The following MTMR2 variants were observed in gnomAD, a reference collection of about 807,000 sequenced individuals.
MTMR2 encodes myotubularin related protein 2.
Under a neutral mutation model 86.9 loss-of-function variants are expected in MTMR2, and 55 were observed. The observed-to-expected ratio is 0.63, with a 90% CI of 0.51 to 0.79. The LOEUF (loss-of-function observed/expected upper bound fraction) is 0.79, where lower values mean the gene tolerates loss of function less well. MTMR2 is among the 30% of genes least tolerant of loss of function. MTMR2 has a pLI of 0.00. For synonymous variants in MTMR2, 241 were observed against 266.8 expected, an observed-to-expected ratio of 0.90 and a Z score of 0.94; for missense variants, 659 against 772.3, an observed-to-expected ratio of 0.85 and a Z score of 1.74.
intron 13 of MTMR2, among the ~76,000 whole-genome samples, chr11:95,837,344 A>AC (rs1863330412): frequency 6.6e-6 from 1 of 152,108 alleles, no homozygotes; most frequent in Admixed American, 6.6e-5. Flanking sequence ...GAACCCAGCA[A>AC]CTGGGCTTCA....
intron 2 of MTMR2, among the ~76,000 whole-genome samples, chr11:95,877,332 CT>C (rs764782930): frequency 0.014 from 1,504 of 105,764 alleles, 9 homozygotes; most frequent in Middle Eastern, 0.036. Flanking sequence ...CAGGGAAGCC[CT>C]TTTTTTTTTT....
intron 11 of MTMR2, among the ~76,000 whole-genome samples, chr11:95,843,665 A>G (rs1863646864): frequency 6.6e-6 from 1 of 152,196 alleles, no homozygotes; most frequent in Non-Finnish European, 1.5e-5. Context: ...AAATTCAGCT[A>G]TCTTCTATTA....
intron 1 of MTMR2, among the ~76,000 whole-genome samples, chr11:95,907,416 G>C (rs1866321933): frequency 2.0e-5 from 3 of 151,984 alleles, no homozygotes; most frequent in Admixed American, 2.0e-4. Context: ...TGGATTCACA[G>C]ACAAATTCTA....
At position 95,919,553 on chromosome 11, in the gene MTMR2, AAC is replaced by A. The variant is rs1404592495; in HGVS notation, c.80+4320_80+4321del. Among the ~76,000 whole-genome samples the A allele has an allele frequency of 6.6e-5, 10 of 152,362 alleles. No homozygotes were observed. In the East Asian group the frequency reaches 1.7e-3, roughly 26 times the overall value. On this transcript the variant is annotated intron_variant, in intron 1 of 14. Transcript: ENST00000346299. ...ACACACATTAATTAAAACGACTAAC[AAC>A]ACAAGTTAGAGCAAAAGGGGCAAAA...
intron 7 of MTMR2, 123 bp from the exon 8 acceptor site, chr11:95,850,872 T>C (rs1590985316): frequency 2.2e-6 from 2 of 928,676 alleles, no homozygotes; most frequent in East Asian, 5.1e-5. Context: ...AGTGTTGGGA[T>C]AGTTGTTGTC....
rs377618916 is a variant in MTMR2, at chr11:95,877,296, T to C, written c.186+10860A>G. Among the ~76,000 whole-genome samples the C allele has an allele frequency of 6.4e-5, 9 of 141,328 alleles. No homozygotes were observed. The East Asian group carries it at 1.3e-3, about 21-fold the overall frequency. 92.7% of individuals were successfully genotyped at this position (141,328 alleles called of 152,430 possible). A position where few individuals can be genotyped will look rare whatever the true frequency, so the allele number is the denominator to read the frequency against. On this transcript the variant is annotated intron_variant, in intron 2 of 14. Coordinates refer to ENST00000346299, the MANE Select transcript of MTMR2 (RefSeq NM_016156.6). ...TGGGATAGATCTTAGTGGTTACACA[T>C]TTCAAAGTACATTCAAGATCAAGCA...
intron 7 of MTMR2, among the ~76,000 whole-genome samples, chr11:95,851,134 C>T (rs551975260): frequency 6.8e-6 from 1 of 146,126 alleles, no homozygotes; most frequent in South Asian, 2.2e-4. Flanking sequence ...GCGATCTCAG[C>T]GCACTGCAAC....
At position 95,888,144 on chromosome 11, in the gene MTMR2, T is replaced by C; in HGVS notation, c.186+12A>G. 1 of 1,562,572 alleles carries C rather than the reference T, an allele frequency of 6.4e-7. No individual in the cohort carries two copies. The highest frequency in any genetic ancestry group is 8.8e-7 in the Non-Finnish European group (1 of 1,136,888). ...AAAGTACTTCATCAGAACTTTAAAATAGTATACATACCCTCAAATCAGGAG... is the reference window on the plus strand; with the variant it reads ...AAAGTACTTCATCAGAACTTTAAAACAGTATACATACCCTCAAATCAGGAG... On this transcript the variant is annotated intron_variant, in intron 2 of 14. Coordinates refer to ENST00000346299, the MANE Select transcript of MTMR2 (RefSeq NM_016156.6).
chr11:95,836,661 G>A (rs935079895), intron 13 of MTMR2, among the ~76,000 whole-genome samples: 4 of 151,866 alleles, frequency 2.6e-5, no homozygotes, highest in African/African-American at 4.8e-5. Flanking sequence ...ATCAACTGAC[G>A]AATGGATAAG....
chr11:95,900,128 C>A (rs1008957487), intron 1 of MTMR2, among the ~76,000 whole-genome samples: 1 of 152,028 alleles, frequency 6.6e-6, no homozygotes, highest in Non-Finnish European at 1.5e-5. Flanking sequence ...TATAGAAGAG[C>A]GAGCAGGTTT....
chr11:95,871,838 G>A (rs761146972), intron 2 of MTMR2, among the ~76,000 whole-genome samples: 112 of 152,134 alleles, frequency 7.4e-4, no homozygotes, highest in Non-Finnish European at 1.4e-3. Context: ...GTATTGCCTA[G>A]GTTTTCTTCT....
At chr11:95,855,311 A>G (rs1864169869) in intron 7 of MTMR2, among the ~76,000 whole-genome samples, 1 of 152,176 alleles carries the variant, frequency 6.6e-6, no homozygotes, top group African/African-American at 2.4e-5. Flanking sequence ...GCTTGAGTGC[A>G]GTGGCACATT....
chr11:95,867,138 C>G (rs918666560), intron 2 of MTMR2, among the ~76,000 whole-genome samples: 13 of 151,990 alleles, frequency 8.6e-5, no homozygotes, highest in African/African-American at 2.9e-4. Context: ...TCAGAGTATA[C>G]CGAAAAAAAT....
At chr11:95,841,568 A>T in intron 12 of MTMR2, 49 bp downstream of exon 12, 1 of 1,373,084 alleles carries the variant, frequency 7.3e-7, no homozygotes, top group Non-Finnish European at 1.0e-6. Flanking sequence ...CCACTCTGAC[A>T]GGAAAACTGA....
Position 95,905,331 on chromosome 11 carries a change from G to GCGCGCGCGCGCGCGCGCA in MTMR2, c.81-17071_81-17070insTGCGCGCGCGCGCGCGCG, listed in dbSNP as rs928252045. Reference sequence around the variant, plus strand: ...CTTACACACACACGCACGCACCTGCGCACACACACACACACACACACACAC... The same window carrying GCGCGCGCGCGCGCGCGCA: ...CTTACACACACACGCACGCACCTGCGCGCGCGCGCGCGCGCGCACACACACACACACACACACACACAC... On this transcript the variant is annotated intron_variant, in intron 1 of 14. Transcript: ENST00000346299. Among the ~76,000 whole-genome samples the GCGCGCGCGCGCGCGCGCA allele has an allele frequency of 1.7e-3, 253 of 148,096 alleles. 2 individuals carry two copies. Among genetic ancestry groups the GCGCGCGCGCGCGCGCGCA allele is most frequent in the African/African-American group, 6.0e-3 (239 of 40,132 alleles).
At chr11:95,861,913 A>C in intron 5 of MTMR2, 79 bp downstream of exon 5, 1 of 1,064,428 alleles carries the variant, frequency 9.4e-7, no homozygotes, top group South Asian at 1.4e-5. Context: ...TATTTTAGAA[A>C]CCAATTTCAA....
At position 95,844,856 on chromosome 11, in the gene MTMR2, A is replaced by C. The variant is rs1863704392; in HGVS notation, c.1386+97T>G. ...CGTTTACCCCACTAGATAAATGATC[A>C]ATTTCAGATGAATATCTTATTTTAA... On this transcript the variant is annotated intron_variant, in intron 11 of 14. Coordinates refer to ENST00000346299, the MANE Select transcript of MTMR2 (RefSeq NM_016156.6). 3 of 1,114,172 alleles carry C rather than the reference A, an allele frequency of 2.7e-6. No individual in the cohort carries two copies. In the Admixed American group the frequency reaches 5.5e-5, roughly 20 times the overall value. 69.0% of individuals were successfully genotyped at this position (1,114,172 alleles called of 1,614,324 possible). A position where few individuals can be genotyped will look rare whatever the true frequency, so the allele number is the denominator to read the frequency against.
intron 7 of MTMR2, among the ~76,000 whole-genome samples, chr11:95,852,867 C>T (rs971315913): frequency 2.6e-5 from 4 of 151,880 alleles, no homozygotes; most frequent in Admixed American, 6.6e-5. Flanking sequence ...GATGAAACCC[C>T]GTTTCTATTA....
intron 1 of MTMR2, among the ~76,000 whole-genome samples, chr11:95,894,958 C>A (rs577926063): frequency 9.9e-5 from 15 of 152,232 alleles, no homozygotes; most frequent in Admixed American, 4.6e-4. Context: ...GACAGACACT[C>A]CAATTATACA....
Sources: gnomAD v4.1 joint callset for allele counts (sites outside exome capture counted in the v4.1 genomes callset) on GRCh38, gnomAD v4.1.1 for gene constraint, MANE v1.5 for transcripts, NCBI Gene and HGNC (gene_info 2026-07-23, HGNC 2026-07-21) for gene names.